The following ERC2 variants were observed in gnomAD, a reference collection of about 807,000 sequenced individuals.
ERC2 encodes the protein ELKS/RAB6-interacting/CAST family member 2, also known as ERC protein 2.
In ERC2, 42 loss-of-function variants were observed where a neutral mutation model predicts 114.8. That is an observed-to-expected ratio of 0.37 (90% CI 0.29 to 0.47). The LOEUF (loss-of-function observed/expected upper bound fraction) is 0.47. ERC2 is among the 20% of genes least tolerant of loss of function. The pLI is 0.99. For synonymous variants in ERC2, 454 were observed against 425.5 expected, an observed-to-expected ratio of 1.07 and a Z score of -0.82; for missense variants, 939 against 1,150.7, an observed-to-expected ratio of 0.82 and a Z score of 2.66.
chr3:56,154,217 T>G (rs532140435), intron 4 of ERC2, among the ~76,000 whole-genome samples: 6 of 152,024 alleles, frequency 3.9e-5, no homozygotes, highest in Non-Finnish European at 7.4e-5. Flanking sequence ...CAGAAAGAAG[T>G]TGACTTAGGC....
chr3:56,034,898 C>A (rs757131247), intron 7 of ERC2, among the ~76,000 whole-genome samples: 6 of 151,466 alleles, frequency 4.0e-5, no homozygotes, highest in Non-Finnish European at 8.8e-5. Context: ...AACAACTTAA[C>A]CTCATACCTC....
At chr3:56,259,485 A>G (rs1006801637) in intron 3 of ERC2, among the ~76,000 whole-genome samples, 1 of 152,138 alleles carries the variant, frequency 6.6e-6, no homozygotes, top group Non-Finnish European at 1.5e-5. Context: ...ATTGAGCAGA[A>G]TCAAAAAAGT....
intron 13 of ERC2, among the ~76,000 whole-genome samples, chr3:55,944,025 A>G (rs2066975829): frequency 6.6e-6 from 1 of 152,228 alleles, no homozygotes; most frequent in South Asian, 2.1e-4. Context: ...ACCAAAAGCC[A>G]CAAAATAGGA....
intron 7 of ERC2, among the ~76,000 whole-genome samples, chr3:56,053,591 T>A (rs1486195496): frequency 6.6e-6 from 1 of 152,178 alleles, no homozygotes; most frequent in Non-Finnish European, 1.5e-5. Flanking sequence ...AAAACTTGAT[T>A]CCCATTGCTT....
At chr3:56,301,940 T>G (rs2055904556) in intron 2 of ERC2, among the ~76,000 whole-genome samples, 1 of 152,090 alleles carries the variant, frequency 6.6e-6, no homozygotes, top group Non-Finnish European at 1.5e-5. Context: ...TATAAAGCTC[T>G]AGAAAGTACC....
intron 3 of ERC2, among the ~76,000 whole-genome samples, chr3:56,187,541 C>T (rs777053370): frequency 2.0e-5 from 3 of 152,128 alleles, no homozygotes; most frequent in African/African-American, 4.8e-5. Context: ...CGCACATACA[C>T]GCATCCACAC....
At chr3:56,349,558 T>C (rs2058470202) in intron 2 of ERC2, among the ~76,000 whole-genome samples, 1 of 152,222 alleles carries the variant, frequency 6.6e-6, no homozygotes, top group Non-Finnish European at 1.5e-5. Context: ...AAGGGAACAA[T>C]AGACAGCAGG....
chr3:55,792,060 A>T (rs964485539), intron 14 of ERC2, among the ~76,000 whole-genome samples: 10 of 152,202 alleles, frequency 6.6e-5, no homozygotes, highest in Non-Finnish European at 8.8e-5. Flanking sequence ...AAAATAAAGC[A>T]AGTTATTAAG....
chr3:55,816,788 A>G (rs1211526331), intron 14 of ERC2, among the ~76,000 whole-genome samples: 1 of 152,072 alleles, frequency 6.6e-6, no homozygotes, highest in African/African-American at 2.4e-5. Flanking sequence ...AAAACGAAAA[A>G]CACCCCAAGC....
At chr3:56,289,680 C>G (rs150440396) in intron 3 of ERC2, among the ~76,000 whole-genome samples, 1 of 152,226 alleles carries the variant, frequency 6.6e-6, no homozygotes, top group Non-Finnish European at 1.5e-5. Flanking sequence ...TTCCCACCAA[C>G]CCCATGTGCT....
chr3:55,514,270 C>T (rs2052329271), intron 17 of ERC2, among the ~76,000 whole-genome samples: 1 of 151,836 alleles, frequency 6.6e-6, no homozygotes, highest in African/African-American at 2.4e-5. Context: ...TGGTGGATGC[C>T]CCTTTGGTAC....
chr3:55,597,255 C>CA (rs2058187619), intron 17 of ERC2, among the ~76,000 whole-genome samples: 1 of 151,928 alleles, frequency 6.6e-6, no homozygotes, highest in East Asian at 1.9e-4. Flanking sequence ...CCCATCTCTA[C>CA]AAAAAATACA....
intron 7 of ERC2, among the ~76,000 whole-genome samples, chr3:56,075,510 G>C (rs984220474): frequency 3.9e-5 from 6 of 152,182 alleles, no homozygotes; most frequent in Admixed American, 3.9e-4. Context: ...TTTTGCTTAA[G>C]GTAGCCAGAA....
rs376825298 is a variant in ERC2, at chr3:55,734,828, T to C, written c.2655A>G (p.Glu885=). 31 of 1,613,240 alleles carry C rather than the reference T, an allele frequency of 1.9e-5. No homozygotes were observed. The African/African-American group carries it at 4.0e-4, about 21-fold the overall frequency. ...LSASKKKKTQ[E]EVMALKREKD... Reference sequence around the variant, plus strand: ...TTTCCCGCTTGAGGGCCATGACTTCTTCCTGCGTCTTTTTCTTTTTGGAGG... The same window carrying C: ...TTTCCCGCTTGAGGGCCATGACTTCCTCCTGCGTCTTTTTCTTTTTGGAGG... The change falls in exon 15 of 18, where the codon GAA becomes GAG. Residue 885 remains glutamate (E), a synonymous_variant. Coordinates refer to ENST00000288221, the MANE Select transcript of ERC2 (RefSeq NM_015576.3).
chr3:55,775,563 A>AATAAATAC, intron 14 of ERC2, among the ~76,000 whole-genome samples: 1 of 150,120 alleles, frequency 6.7e-6, no homozygotes, highest in South Asian at 2.1e-4. Flanking sequence ...TAAATAAATA[A>AATAAATAC]ATAAATAAAT....
chr3:55,959,147 A>G (rs2068183334), intron 12 of ERC2, among the ~76,000 whole-genome samples: 1 of 152,134 alleles, frequency 6.6e-6, no homozygotes, highest in Non-Finnish European at 1.5e-5. Flanking sequence ...CTCACCATTG[A>G]CTTTCCTACC....
intron 14 of ERC2, among the ~76,000 whole-genome samples, chr3:55,822,398 A>G (rs968678593): frequency 9.2e-5 from 14 of 152,298 alleles, no homozygotes; most frequent in African/African-American, 3.4e-4. Flanking sequence ...TAGGGCTAAG[A>G]CCTGTTACAC....
chr3:55,663,509 C>T (rs925553442), intron 17 of ERC2, among the ~76,000 whole-genome samples: 3 of 152,174 alleles, frequency 2.0e-5, no homozygotes, highest in African/African-American at 7.2e-5. Flanking sequence ...AAGAAACAGA[C>T]CCTTGGGTTT....
At chr3:55,554,765 T>G (rs1448038045) in intron 17 of ERC2, among the ~76,000 whole-genome samples, 1 of 152,150 alleles carries the variant, frequency 6.6e-6, no homozygotes, top group East Asian at 1.9e-4. Flanking sequence ...GCCCTTGTTT[T>G]AAACCAAGAG....
Sources: allele counts gnomAD v4.1 joint callset (sites outside exome capture counted in the v4.1 genomes callset), GRCh38; gene constraint gnomAD v4.1.1; transcripts MANE v1.5; gene names NCBI Gene and HGNC (gene_info 2026-07-23, HGNC 2026-07-21).